The following ME2 variants were observed in gnomAD, a reference collection of about 807,000 sequenced individuals.
ME2 encodes malic enzyme 2.
Under a neutral mutation model 73.7 loss-of-function variants are expected in ME2, and 60 were observed. That is an observed-to-expected ratio of 0.81 (90% confidence interval 0.66 to 1.01). The LOEUF (loss-of-function observed/expected upper bound fraction) is 1.01. Ranked by LOEUF, ME2 falls within the 50% of genes least tolerant of loss-of-function variation. ME2 has a pLI of 0.00. For synonymous variants in ME2, 199 were observed against 236.9 expected, an observed-to-expected ratio of 0.84 and a Z score of 1.47; for missense variants, 594 against 705.5, an observed-to-expected ratio of 0.84 and a Z score of 1.79.
In ME2 at chr18:50,954,195, T is replaced by C. The variant is rs1918276620; in HGVS notation, c.*7011T>C. The C allele has an allele frequency of 6.6e-6, 1 of 152,256 alleles. No homozygotes were observed. The highest frequency in any genetic ancestry group is 2.1e-4 in the South Asian group (1 of 4,834). The allele number at this position is 152,256 out of a possible 1,614,324, so 9.4% of individuals were successfully genotyped here. A position where few individuals can be genotyped will look rare whatever the true frequency, so the allele number is the denominator to read the frequency against. ...TATGTGAATTATTTTTTCTCTGTTG[T>C]GATATGTTGTAATGAGATGTGTGTT... On this transcript the variant is annotated 3_prime_UTR_variant, in exon 16 of 16. Coordinates refer to ENST00000321341, the MANE Select transcript of ME2 (RefSeq NM_002396.5).
intron 2 of ME2, among the ~76,000 whole-genome samples, chr18:50,900,681 C>T (rs1478529578): frequency 1.3e-5 from 2 of 152,106 alleles, no homozygotes; most frequent in East Asian, 1.9e-4. Flanking sequence ...ATAATTACCA[C>T]GTGTCAAAGG....
intron 2 of ME2, among the ~76,000 whole-genome samples, chr18:50,903,323 T>C (rs1916934683): frequency 1.3e-5 from 2 of 152,264 alleles, no homozygotes. Flanking sequence ...TAAAATTATT[T>C]AATCATTTTA....
At position 50,930,607 on chromosome 18, in the gene ME2, G is replaced by A. The variant is rs144511793; in HGVS notation, c.1315-1651G>A. On this transcript the variant is annotated intron_variant, in intron 12 of 15. Coordinates refer to ENST00000321341, the MANE Select transcript of ME2 (RefSeq NM_002396.5). ...AGGCAGGGATGGTGACCTGGAGAAC[G>A]TGAACTGCTATAGAATCTTGTCATT... 4.1e-3 allele frequency among the ~76,000 whole-genome samples: 618 copies of A among 152,246 alleles called. 9 individuals carry two copies. In the East Asian group the frequency reaches 0.056, roughly 14 times the overall value.
At chr18:50,922,668 CCCTGT>C (rs1917456946) in intron 10 of ME2, among the ~76,000 whole-genome samples, 1 of 152,168 alleles carries the variant, frequency 6.6e-6, no homozygotes, top group Non-Finnish European at 1.5e-5. Context: ...AAAGTGAGAA[CCCTGT>C]CCATCTCCAT....
chr18:50,949,437 T>G lies in ME2; in HGVS notation c.*2253T>G, dbSNP rs1918170048. On this transcript the variant is annotated 3_prime_UTR_variant, in exon 16 of 16. Transcript: ENST00000321341. Reference sequence around the variant, plus strand: ...CAGCCTGGAACTCCTGGGTTCAAGCTCTCCTCCTGCCTCAGCCTCCTGAGC... The same window carrying G: ...CAGCCTGGAACTCCTGGGTTCAAGCGCTCCTCCTGCCTCAGCCTCCTGAGC... 1 of 152,096 alleles carries G rather than the reference T, an allele frequency of 6.6e-6. No individual in the cohort carries two copies. Among genetic ancestry groups the G allele is most frequent in the Non-Finnish European group, 1.5e-5 (1 of 68,028 alleles). 9.4% of individuals were successfully genotyped at this position (152,096 alleles called of 1,614,324 possible).
At position 50,935,928 on chromosome 18, in the gene ME2, C is replaced by A. The variant is rs1181327961; in HGVS notation, c.1417+3568C>A. Among the ~76,000 whole-genome samples the A allele has an allele frequency of 2.0e-5, 3 of 150,878 alleles. No homozygotes were observed. The South Asian group carries it at 6.3e-4, about 31-fold the overall frequency. On this transcript the variant is annotated intron_variant, in intron 13 of 15. Transcript: ENST00000321341. Reference sequence around the variant, plus strand: ...CATTGATAGATCTTTAATTGAAGTCCTAGAAGAAATGAGAATGAAGCAGAG... The same window carrying A: ...CATTGATAGATCTTTAATTGAAGTCATAGAAGAAATGAGAATGAAGCAGAG...
At position 50,908,126 on chromosome 18, in the gene ME2, A is replaced by G. The variant is rs911786919; in HGVS notation, c.172A>G (p.Ile58Val). 3.1e-6 allele frequency: 5 copies of G among 1,606,782 alleles called. No homozygotes were observed. Among genetic ancestry groups the G allele is most frequent in the Non-Finnish European group, 4.3e-6 (5 of 1,175,836 alleles). ...TCTTCAAGGACTTCTACCTCCCAAA[A>G]TAGAGACACAAGATATTCAAGCCTT... is the stretch of plus-strand genomic sequence containing the variant. ...LGLQGLLPPKIETQDIQALRF... is the reference protein window; with the variant it reads ...LGLQGLLPPKVETQDIQALRF... Residue 58 changes from isoleucine (I) to valine (V), a missense_variant, in exon 3 of 16, where the codon ATA becomes GTA. Transcript: ENST00000321341.
chr18:50,908,206 G>A lies in ME2; in HGVS notation c.242+10G>A, dbSNP rs754477609. ...CTAGCCCTTTGGAAAAGTAAGAGTT[G>A]CTTAGATGTTTCTTTTTTTATTGGT... On this transcript the variant is annotated intron_variant, in intron 3 of 15. Coordinates refer to ENST00000321341, the MANE Select transcript of ME2 (RefSeq NM_002396.5). 7 of 1,562,558 alleles carry A rather than the reference G, an allele frequency of 4.5e-6. No homozygotes were observed. The highest frequency in any genetic ancestry group is 2.8e-5 in the African/African-American group (2 of 72,038).
At chr18:50,900,892 G>A (rs1246461697) in intron 2 of ME2, among the ~76,000 whole-genome samples, 1 of 152,184 alleles carries the variant, frequency 6.6e-6, no homozygotes, top group Non-Finnish European at 1.5e-5. Flanking sequence ...CAGCCATGTG[G>A]AACTGTGAGT....
Position 50,947,120 on chromosome 18 carries a change from C to T in ME2, c.1691C>T (p.Ser564Phe), listed in dbSNP as rs1050568391. ...KERTWRSEYDSLLPDVYEWPE... is the reference protein window; with the variant it reads ...KERTWRSEYDFLLPDVYEWPE... ...AGAACATGGCGGAGTGAATATGATT[C>T]CCTGCTGCCAGATGTGTATGAATGG... The change falls in exon 16 of 16, where the codon TCC becomes TTC. Residue 564 changes from serine (S) to phenylalanine (F), a missense_variant. By Grantham distance (155) the Ser-to-Phe change is radical. Transcript: ENST00000321341. 2.5e-6 allele frequency: 4 copies of T among 1,613,972 alleles called. No homozygotes were observed. The highest frequency in any genetic ancestry group is 3.3e-5 in the Admixed American group (2 of 60,014).
At chr18:50,888,186 A>G (rs911293517) in intron 1 of ME2, among the ~76,000 whole-genome samples, 1 of 152,222 alleles carries the variant, frequency 6.6e-6, no homozygotes, top group Non-Finnish European at 1.5e-5. Flanking sequence ...TACAAAAAAA[A>G]CTACAAAAAT....
In ME2 at chr18:50,913,860, T is replaced by TATACACACACACACACACACAC. The variant is rs112137080; in HGVS notation, c.392+911_392+912insTACACACACACACACACACACA. ...CTTTGGAAAATTATCAGCAATATTA[T>TATACACACACACACACACACAC]ACACACACACACACACACACACACA... On this transcript the variant is annotated intron_variant, in intron 4 of 15. Transcript: ENST00000321341. Among the ~76,000 whole-genome samples, 659 of 143,270 alleles carry TATACACACACACACACACACAC rather than the reference T, an allele frequency of 4.6e-3. 5 individuals are homozygous for TATACACACACACACACACACAC. The highest frequency in any genetic ancestry group is 0.011 in the Middle Eastern group (3 of 282). The allele number at this position is 143,270 out of a possible 152,430, so 94.0% of individuals were successfully genotyped here.
intron 2 of ME2, among the ~76,000 whole-genome samples, chr18:50,896,228 A>G (rs1180457316): frequency 1.3e-5 from 2 of 152,224 alleles, no homozygotes; most frequent in Non-Finnish European, 2.9e-5. Context: ...TTTGGGCCAC[A>G]TGTGAGATAT....
rs1320031263 is a variant in ME2, at chr18:50,950,467, C to CCTTTTTT, written c.*3283_*3284insCTTTTTT. On this transcript the variant is annotated 3_prime_UTR_variant, in exon 16 of 16. Transcript: ENST00000321341. ...GCCTGGGGTGGGGCCTCAGATTCTG[C>CCTTTTTT]TTTTTTTTTTTTTTTTTTTTTTTTT... 12 of 45,068 alleles carry CCTTTTTT rather than the reference C, an allele frequency of 2.7e-4. 3 individuals carry two copies. The highest frequency in any genetic ancestry group is 8.9e-4 in the African/African-American group (10 of 11,280). 2.8% of individuals were successfully genotyped at this position (45,068 alleles called of 1,614,324 possible). A position where few individuals can be genotyped will look rare whatever the true frequency, so the allele number is the denominator to read the frequency against.
rs116693994 is a variant in ME2 at position 50,883,431 on chromosome 18, C to G, written c.-13+4123C>G. Among the ~76,000 whole-genome samples the G allele has an allele frequency of 2.8e-3, 433 of 152,322 alleles. 3 individuals carry two copies. Among genetic ancestry groups the G allele is most frequent in the African/African-American group, 9.7e-3 (405 of 41,568 alleles). ...ATGTCTTAACAGCTTTAGTCCCAGT[C>G]CAGTTTGTAAATACCACCCAGAGGG... On this transcript the variant is annotated intron_variant, in intron 1 of 15. Transcript: ENST00000321341.
chr18:50,883,030 A>G (rs1289014079), intron 1 of ME2, among the ~76,000 whole-genome samples: 1 of 152,188 alleles, frequency 6.6e-6, no homozygotes, highest in African/African-American at 2.4e-5. Context: ...TTACCACCAC[A>G]AAGGTAGGAA....
chr18:50,906,265 G>A (rs903387818), intron 2 of ME2, among the ~76,000 whole-genome samples: 10 of 152,066 alleles, frequency 6.6e-5, no homozygotes, highest in Non-Finnish European at 1.3e-4. Context: ...TCCTCCCAGG[G>A]TTTGTTGTAT....
intron 2 of ME2, among the ~76,000 whole-genome samples, chr18:50,902,836 A>T (rs527638805): frequency 1.3e-5 from 2 of 152,234 alleles, no homozygotes; most frequent in Non-Finnish European, 2.9e-5. Context: ...GATAAGCTGT[A>T]TAATAAATAT....
intron 4 of ME2, among the ~76,000 whole-genome samples, chr18:50,913,452 A>G (rs548947440): frequency 2.6e-5 from 4 of 151,812 alleles, no homozygotes; most frequent in African/African-American, 9.7e-5. Flanking sequence ...TTGTGCCTCA[A>G]CCTCCCTAGT....
Sources: allele counts gnomAD v4.1 joint callset (sites outside exome capture counted in the v4.1 genomes callset), GRCh38; gene constraint gnomAD v4.1.1; transcripts MANE v1.5; gene names NCBI Gene and HGNC (gene_info 2026-07-23, HGNC 2026-07-21).